XKR6: variants seen among roughly 807,000 people sequenced by gnomAD.
XKR6 encodes the protein XK-related protein 6.
In XKR6, 22 loss-of-function variants were observed where a neutral mutation model predicts 56.7. That is an observed-to-expected ratio of 0.39 (90% CI 0.28 to 0.55). The LOEUF (loss-of-function observed/expected upper bound fraction) is 0.55, where lower values mean the gene tolerates loss of function less well. Among genes scored for constraint, XKR6 ranks in the 20% least tolerant of loss-of-function variants. The probability of loss-of-function intolerance (pLI) is 0.66; values close to 1 mark genes in which losing one functional copy is unlikely to be tolerated. For missense variants in XKR6, 852 were observed against 889.0 expected (o/e 0.96, Z 0.53); for synonymous variants, 524 against 387.8 (o/e 1.35, Z -4.13).
chr8:10,980,008 G>A (rs1259351293), intron 1 of XKR6, among the ~76,000 whole-genome samples: 1 of 152,248 alleles, frequency 6.6e-6, no homozygotes, highest in Middle Eastern at 3.2e-3. Context: ...CCTGGCTCAT[G>A]CCAAACCCTG....
chr8:11,142,794 C>T (rs1311575602), intron 1 of XKR6, among the ~76,000 whole-genome samples: 1 of 152,170 alleles, frequency 6.6e-6, no homozygotes, highest in Non-Finnish European at 1.5e-5. Context: ...TTTATAGCAA[C>T]ACAAGAACAG....
Position 11,200,671 on chromosome 8 carries a change from C to G in XKR6, c.669G>C (p.Arg223Ser), listed in dbSNP as rs1165070750. ...GCTGCGCCCCCGGCGTGGGGGAGAC[C>G]CTCACGCCTGGGCCACCGCGGGCCG... ...HGAARGGPGV[R>S]VSPTPGAQRL... The change falls in exon 1 of 3, where the codon AGG becomes AGC. Residue 223 changes from arginine to serine, a missense_variant. Transcript: ENST00000416569. The surrounding 1 kb of genome is among the most constrained non-coding windows in gnomAD (Gnocchi z 6.4). The G allele has an allele frequency of 8.3e-6, 13 of 1,564,344 alleles. No individual in the cohort carries two copies. Among genetic ancestry groups the G allele is most frequent in the Non-Finnish European group, 1.0e-5 (12 of 1,165,100 alleles).
intron 1 of XKR6, among the ~76,000 whole-genome samples, chr8:11,165,122 CAG>C (rs1802006798): frequency 1.1e-5 from 1 of 88,120 alleles, no homozygotes; most frequent in Admixed American, 1.6e-4. Context: ...TTTTTTGAGA[CAG>C]AGTGTCGCTT....
At chr8:10,909,647 C>A (rs894686219) in intron 2 of XKR6, among the ~76,000 whole-genome samples, 6 of 152,166 alleles carry the variant, frequency 3.9e-5, no homozygotes, top group African/African-American at 1.4e-4. Context: ...CCATTGCTAG[C>A]CGCCATGATC....
intron 1 of XKR6, chr8:11,123,272 C>G (rs1037515680): frequency 1.3e-5 from 2 of 150,756 alleles, no homozygotes; most frequent in Non-Finnish European, 2.9e-5. Flanking sequence ...GCCCCACACA[C>G]AAACAAAACC....
At chr8:11,112,736 C>T (rs1239789417) in intron 1 of XKR6, among the ~76,000 whole-genome samples, 2 of 152,180 alleles carry the variant, frequency 1.3e-5, no homozygotes, top group Non-Finnish European at 2.9e-5. Context: ...TAAGAGCCCA[C>T]ACACATAAAA....
At chr8:11,167,549 C>G (rs1802142538) in intron 1 of XKR6, among the ~76,000 whole-genome samples, 1 of 152,106 alleles carries the variant, frequency 6.6e-6, no homozygotes, top group Non-Finnish European at 1.5e-5. Context: ...GACCTGAGGT[C>G]TGGGAAGAAA....
chr8:10,962,045 T>C (rs1049943669), intron 1 of XKR6, among the ~76,000 whole-genome samples: 3 of 152,206 alleles, frequency 2.0e-5, no homozygotes, highest in Non-Finnish European at 4.4e-5. Flanking sequence ...AAAATGCTGA[T>C]CTTACTGTGC....
At chr8:11,138,783 T>G (rs1343908505) in intron 1 of XKR6, among the ~76,000 whole-genome samples, 3 of 152,242 alleles carry the variant, frequency 2.0e-5, no homozygotes, top group Admixed American at 6.5e-5. Context: ...CCCAGTCCTC[T>G]GAATTTTCAC....
intron 1 of XKR6, among the ~76,000 whole-genome samples, chr8:11,005,751 G>C (rs1487597000): frequency 6.6e-6 from 1 of 151,738 alleles, no homozygotes; most frequent in African/African-American, 2.4e-5. Context: ...TCTGAATGCT[G>C]AGATTATATT....
At chr8:11,154,226 G>A (rs1357838133) in intron 1 of XKR6, among the ~76,000 whole-genome samples, 1 of 152,204 alleles carries the variant, frequency 6.6e-6, no homozygotes, top group African/African-American at 2.4e-5. Context: ...CACGATACCA[G>A]TAGACATGGT....
chr8:10,971,250 C>A (rs112072801), intron 1 of XKR6, among the ~76,000 whole-genome samples: 1 of 151,616 alleles, frequency 6.6e-6, no homozygotes, highest in African/African-American at 2.4e-5. Flanking sequence ...CGAAACTCCA[C>A]CTCTACTAAA....
At position 10,933,384 on chromosome 8, in the gene XKR6, A is replaced by G. The variant is rs563153959; in HGVS notation, c.765-8554T>C. ...CTGATGGTAGTTTCTTCTGCTGTGC[A>G]GAAGCTCTTTAGTTTAATTAGATCC... On this transcript the variant is annotated intron_variant, in intron 1 of 2. Transcript: ENST00000416569. Among the ~76,000 whole-genome samples, 4 of 106,376 alleles carry G rather than the reference A, an allele frequency of 3.8e-5. No homozygotes were observed. In the East Asian group the frequency reaches 7.8e-4, roughly 21 times the overall value. The allele number at this position is 106,376 out of a possible 152,430, so 69.8% of individuals were successfully genotyped here.
At chr8:10,927,216 G>A (rs1377827309) in intron 1 of XKR6, among the ~76,000 whole-genome samples, 1 of 152,162 alleles carries the variant, frequency 6.6e-6, no homozygotes, top group African/African-American at 2.4e-5. Flanking sequence ...GGGAGGCAGG[G>A]CATCAGGGGA....
chr8:10,960,953 GGGCTAGACT>G (rs1181388630), intron 1 of XKR6, among the ~76,000 whole-genome samples: 4 of 152,150 alleles, frequency 2.6e-5, no homozygotes, highest in African/African-American at 9.7e-5. Flanking sequence ...AGGGAAGACC[GGGCTAGACT>G]GGCTAGATGG....
chr8:11,187,694 G>A (rs539682489), intron 1 of XKR6, among the ~76,000 whole-genome samples: 1 of 152,250 alleles, frequency 6.6e-6, no homozygotes, highest in African/African-American at 2.4e-5. Context: ...AGTGGGCATG[G>A]GGGTGGCTGG....
At chr8:11,002,542 C>G (rs538796557) in intron 1 of XKR6, 1 of 248,570 alleles carries the variant, frequency 4.0e-6, no homozygotes, top group South Asian at 4.2e-5. Context: ...GTGGTGCATA[C>G]CCAGAGCCCT....
chr8:11,033,419 T>C (rs1396870267), intron 1 of XKR6, among the ~76,000 whole-genome samples: 1 of 151,500 alleles, frequency 6.6e-6, no homozygotes, highest in Non-Finnish European at 1.5e-5. Context: ...GTGATGATGA[T>C]GATGATGATG....
chr8:10,990,945 C>T (rs1039191071), intron 1 of XKR6, among the ~76,000 whole-genome samples: 2 of 138,906 alleles, frequency 1.4e-5, no homozygotes, highest in Admixed American at 1.5e-4. Context: ...CTTGGTCACC[C>T]AGGCTGGAGT....
Sources: gnomAD v4.1 joint callset for allele counts (sites outside exome capture counted in the v4.1 genomes callset) on GRCh38, gnomAD v4.1.1 for gene constraint, Gnocchi (gnomAD v3.1) non-coding constraint, MANE v1.5 for transcripts, NCBI Gene and HGNC (gene_info 2026-07-23, HGNC 2026-07-21) for gene names.